The following NF1 variants were observed in gnomAD, a reference collection of about 807,000 sequenced individuals.
NF1 encodes the protein neurofibromin 1.
A neutral mutation model predicts 325.7 loss-of-function variants in NF1; 122 were observed. The observed-to-expected ratio is 0.37, with a 90% CI of 0.32 to 0.44. The LOEUF (loss-of-function observed/expected upper bound fraction) is 0.44, where lower values mean the gene tolerates loss of function less well. Ranked by LOEUF, NF1 falls within the 20% of genes least tolerant of loss-of-function variation. The pLI, the probability that NF1 is intolerant of heterozygous loss-of-function variation, is 1.00. For synonymous variants in NF1, 1,091 were observed against 1,186.0 expected (o/e 0.92, Z 1.65); for missense variants, 2,140 against 3,415.4 (o/e 0.63, Z 9.31).
At chr17:31,114,548 A>T (rs916386617) in intron 1 of NF1, among the ~76,000 whole-genome samples, 1 of 118,810 alleles carries the variant, frequency 8.4e-6, no homozygotes, top group East Asian at 2.0e-4. Context: ...AAAAAAGAAT[A>T]AAAAAAAAAA....
chr17:31,228,977 A>C (rs1195597546), intron 20 of NF1, 48 bp from the exon 21 acceptor site: 8 of 1,452,706 alleles, frequency 5.5e-6, no homozygotes, highest in East Asian at 2.3e-5. Flanking sequence ...GTCAAGTCTC[A>C]ACTAATTAAG....
intron 1 of NF1, among the ~76,000 whole-genome samples, chr17:31,149,946 A>G (rs1035039931): frequency 6.6e-6 from 1 of 152,194 alleles, no homozygotes; most frequent in African/African-American, 2.4e-5. Context: ...AGAGCTGGAC[A>G]TGGAGTGAAA....
intron 29 of NF1, among the ~76,000 whole-genome samples, chr17:31,240,656 AT>A (rs1183539568): frequency 6.6e-6 from 1 of 152,182 alleles, no homozygotes; most frequent in African/African-American, 2.4e-5. Flanking sequence ...GAACCTCCAA[AT>A]GGTCCTCCAT....
In NF1 at chr17:31,360,710, A is replaced by G; in HGVS notation, c.8377+7A>G. ...ACTTCCCAGCATTCCCCAGGTCAGT[A>G]AATGTGATCTTTATATGACTTTGAG... On this transcript the variant is annotated splice_region_variant and intron_variant, in intron 57 of 57. Coordinates refer to ENST00000358273, the MANE Select transcript of NF1 (RefSeq NM_001042492.3). 6.2e-7 allele frequency: 1 copy of G among 1,601,630 alleles called. No homozygotes were observed. The highest frequency in any genetic ancestry group is 8.6e-7 in the Non-Finnish European group (1 of 1,168,600).
chr17:31,117,398 C>T (rs1435249725), intron 1 of NF1, among the ~76,000 whole-genome samples: 2 of 151,184 alleles, frequency 1.3e-5, no homozygotes, highest in Non-Finnish European at 1.5e-5. Context: ...TGCGGCCAGG[C>T]GCGGTGGCTC....
intron 36 of NF1, chr17:31,304,372 T>A: frequency 9.3e-6 from 15 of 1,614,092 alleles, no homozygotes; most frequent in Non-Finnish European, 1.3e-5. Context: ...ATCTTCTTGG[T>A]TTTTCATAAA....
intron 34 of NF1, among the ~76,000 whole-genome samples, chr17:31,261,120 G>A (rs1296816219): frequency 6.6e-6 from 1 of 151,930 alleles, no homozygotes; most frequent in Admixed American, 6.6e-5. Context: ...GCAGGGGCCT[G>A]TAATCCCAGC....
At chr17:31,204,235 G>A (rs1463714665) in intron 11 of NF1, among the ~76,000 whole-genome samples, 2 of 151,878 alleles carry the variant, frequency 1.3e-5, no homozygotes, top group East Asian at 3.9e-4. Flanking sequence ...TTTTCCTTAC[G>A]ACAATTTATC....
intron 36 of NF1, chr17:31,295,879 G>A (rs777026450): frequency 6.2e-7 from 1 of 1,614,044 alleles, no homozygotes; most frequent in African/African-American, 1.3e-5. Context: ...TACTGAGGTT[G>A]AGAACCTCGA....
At position 31,232,043 on chromosome 17, in the gene NF1, ATTTTT is replaced by A. The variant is rs371047262; in HGVS notation, c.3198-8_3198-4del. 8.1e-4 allele frequency: 480 copies of A among 589,628 alleles called. 4 individuals are homozygous for A. In the African/African-American group the frequency reaches 0.011, roughly 14 times the overall value. 36.5% of individuals were successfully genotyped at this position (589,628 alleles called of 1,614,324 possible). On this transcript the variant is annotated intron_variant, in intron 24 of 57. Coordinates refer to ENST00000358273, the MANE Select transcript of NF1 (RefSeq NM_001042492.3). ...AACTTGAAAGATTCATGGTCTCTAA[ATTTTT>A]TTTTTTTTTTTTTTTTTTTTTCAGA... is the stretch of plus-strand genomic sequence containing the variant.
chr17:31,267,314 T>A (rs2067809467), intron 36 of NF1, among the ~76,000 whole-genome samples: 1 of 152,228 alleles, frequency 6.6e-6, no homozygotes, highest in Non-Finnish European at 1.5e-5. Context: ...TTATAAAAAC[T>A]GTCTACCTCT....
At chr17:31,290,793 G>A (rs964046486) in intron 36 of NF1, among the ~76,000 whole-genome samples, 1 of 152,148 alleles carries the variant, frequency 6.6e-6, no homozygotes, top group African/African-American at 2.4e-5. Context: ...ATCACCTGAG[G>A]TCAGGAGTTC....
chr17:31,210,836 T>C (rs748420790), intron 12 of NF1, among the ~76,000 whole-genome samples: 1 of 152,096 alleles, frequency 6.6e-6, no homozygotes, highest in Non-Finnish European at 1.5e-5. Context: ...ATTTAAACTC[T>C]TTGGCCCTTT....
intron 3 of NF1, among the ~76,000 whole-genome samples, chr17:31,159,539 A>G (rs1245218252): frequency 6.6e-6 from 1 of 152,194 alleles, no homozygotes; most frequent in Non-Finnish European, 1.5e-5. Context: ...TTAAGGATAG[A>G]TGTTACCTTG....
intron 25 of NF1, 59 bp from the exon 26 acceptor site, chr17:31,232,641 G>C: frequency 6.6e-7 from 1 of 1,512,512 alleles, no homozygotes; most frequent in South Asian, 1.1e-5. Flanking sequence ...GGAATGTCTG[G>C]TTAGCTTTCT....
intron 36 of NF1, among the ~76,000 whole-genome samples, chr17:31,319,806 C>T (rs909978861): frequency 7.5e-5 from 11 of 147,164 alleles, no homozygotes; most frequent in African/African-American, 2.7e-4. Flanking sequence ...AAAAGTTCAA[C>T]AAAAGTTGCT....
intron 29 of NF1, 36 bp downstream of exon 29, chr17:31,236,057 GTTTT>G: frequency 8.7e-7 from 1 of 1,144,778 alleles, no homozygotes; most frequent in South Asian, 1.4e-5. Context: ...GCTGTTTTTT[GTTTT>G]TTTTTTTTTG....
intron 36 of NF1, among the ~76,000 whole-genome samples, chr17:31,320,107 A>G (rs1003374058): frequency 8.5e-5 from 13 of 152,142 alleles, no homozygotes; most frequent in Non-Finnish European, 1.6e-4. Flanking sequence ...TAACAGTTCC[A>G]TGTACTGCTA....
rs2143774849 is a variant in NF1, at chr17:31,181,497, A to G, written c.654+8A>G. 1 of 1,612,760 alleles carries G rather than the reference A, an allele frequency of 6.2e-7. No individual in the cohort carries two copies. ...ATAAATAGCCTGGAAAAGGTAAGTT[A>G]CAACCTCTCTGGTATTAAAATTTTG... On this transcript the variant is annotated splice_region_variant and intron_variant, in intron 6 of 57. Coordinates refer to ENST00000358273, the MANE Select transcript of NF1 (RefSeq NM_001042492.3).
Sources: allele counts gnomAD v4.1 joint callset (sites outside exome capture counted in the v4.1 genomes callset), GRCh38; gene constraint gnomAD v4.1.1; transcripts MANE v1.5; gene names NCBI Gene and HGNC (gene_info 2026-07-23, HGNC 2026-07-21).